URB1: variants seen among roughly 807,000 people sequenced by gnomAD.
URB1 encodes URB1 ribosome biogenesis factor, also known as nucleolar pre-ribosomal-associated protein 1.
In URB1, 197 loss-of-function variants were observed where a neutral mutation model predicts 242.3. That is an observed-to-expected ratio of 0.81 (90% CI 0.72 to 0.91). The LOEUF is 0.91. Among genes scored for constraint, URB1 ranks in the 40% least tolerant of loss-of-function variants. URB1 has a pLI of 0.00. For synonymous variants in URB1, 1,153 were observed against 1,201.8 expected (o/e 0.96, Z 0.84); for missense variants, 2,721 against 2,860.5 (o/e 0.95, Z 1.11).
In URB1 at chr21:32,363,197, T is replaced by A. The variant is rs749584216; in HGVS notation, c.1468A>T (p.Met490Leu). The A allele has an allele frequency of 3.2e-6, 5 of 1,551,944 alleles. No individual in the cohort carries two copies. The highest frequency in any genetic ancestry group is 2.7e-5 in the African/African-American group (2 of 73,034). ...QESGVYTAVM[M>L]EEFVQLFREA... The stretch of plus-strand genomic sequence containing the variant: ...CTGAAGAGCTGCACGAATTCTTCCA[T>A]CATCACAGCTGTGTACACGCCTGAT... The change falls in exon 11 of 39, where the codon ATG becomes TTG. Residue 490 changes from methionine (M) to leucine (L), a missense_variant. Transcript: ENST00000382751.
At position 32,352,614 on chromosome 21, in the gene URB1, TC is replaced by T; in HGVS notation, c.2613+95del. On this transcript the variant is annotated intron_variant, in intron 19 of 38. Coordinates refer to ENST00000382751, the MANE Select transcript of URB1 (RefSeq NM_014825.3). ...GTAAGAAATTTCACCCTGCAGGCTGTCTGGCTACCCAACTGCACAGCTGTGG... is the reference window on the plus strand; with the variant it reads ...GTAAGAAATTTCACCCTGCAGGCTGTTGGCTACCCAACTGCACAGCTGTGG... The T allele has an allele frequency of 4.9e-6, 7 of 1,441,116 alleles. No individual in the cohort carries two copies. In the South Asian group the frequency reaches 7.5e-5, roughly 15 times the overall value. 89.3% of individuals were successfully genotyped at this position (1,441,116 alleles called of 1,614,324 possible).
intron 22 of URB1, among the ~76,000 whole-genome samples, chr21:32,346,734 C>T (rs1209490159): frequency 6.6e-6 from 1 of 152,162 alleles, no homozygotes; most frequent in African/African-American, 2.4e-5. Flanking sequence ...TGATGGGGCA[C>T]AATGGGCTGT....
intron 15 of URB1, 46 bp from the exon 16 acceptor site, chr21:32,355,611 T>G: frequency 7.0e-7 from 1 of 1,428,652 alleles, no homozygotes; most frequent in Non-Finnish European, 9.7e-7. Flanking sequence ...CAGAACGCGC[T>G]TTCTTTCTTT....
intron 22 of URB1, 128 bp downstream of exon 22, chr21:32,346,828 G>T: frequency 7.6e-7 from 1 of 1,307,514 alleles, no homozygotes. Flanking sequence ...TCAGAGTTGT[G>T]TCAGACACTG....
At chr21:32,336,102 A>G (rs2032955783) in intron 28 of URB1, among the ~76,000 whole-genome samples, 1 of 152,206 alleles carries the variant, frequency 6.6e-6, no homozygotes, top group Admixed American at 6.5e-5. Flanking sequence ...TAACTGACAT[A>G]GCACCAGCTC....
Position 32,311,373 on chromosome 21 carries a change from A to C in URB1, c.*3545T>G. ...GATATAAAATGAACTACACTCAGAT[A>C]CAGCGCTGGATGGGAGGTCAACCTG... On this transcript the variant is annotated 3_prime_UTR_variant, in exon 39 of 39. Coordinates refer to ENST00000382751, the MANE Select transcript of URB1 (RefSeq NM_014825.3). The C allele has an allele frequency of 2.4e-6, 1 of 410,340 alleles. No individual in the cohort carries two copies. Among genetic ancestry groups the C allele is most frequent in the Non-Finnish European group, 4.4e-6 (1 of 226,652 alleles). 25.4% of individuals were successfully genotyped at this position (410,340 alleles called of 1,614,324 possible). A position where few individuals can be genotyped will look rare whatever the true frequency, so the allele number is the denominator to read the frequency against.
At position 32,367,885 on chromosome 21, in the gene URB1, CAA is replaced by C. The variant is rs76105668; in HGVS notation, c.1197+516_1197+517del. ...TCTTGATGAACAGGATAAATTGGCT[CAA>C]AAGATTCTAAATAAACCTCAAATTC... On this transcript the variant is annotated intron_variant, in intron 9 of 38. Coordinates refer to ENST00000382751, the MANE Select transcript of URB1 (RefSeq NM_014825.3). Among the ~76,000 whole-genome samples the C allele has an allele frequency of 3.2e-4, 49 of 152,270 alleles. No homozygotes were observed. In the East Asian group the frequency reaches 3.9e-3, roughly 12 times the overall value.
intron 13 of URB1, 81 bp from the exon 14 acceptor site, chr21:32,359,989 A>G: frequency 7.9e-7 from 1 of 1,269,798 alleles, no homozygotes; most frequent in African/African-American, 1.5e-5. Context: ...CAGAAGGACA[A>G]GGAACTCACC....
intron 8 of URB1, among the ~76,000 whole-genome samples, chr21:32,369,520 C>T (rs1319963215): frequency 1.3e-5 from 2 of 152,142 alleles, no homozygotes; most frequent in East Asian, 3.9e-4. Flanking sequence ...AATGCAGTGG[C>T]GTGACCATAG....
At chr21:32,354,232 T>C (rs1420041694) in intron 17 of URB1, 129 bp from the exon 18 acceptor site, 8 of 1,015,368 alleles carry the variant, frequency 7.9e-6, no homozygotes, top group Non-Finnish European at 4.2e-6. Flanking sequence ...GGGGGGAGCA[T>C]TTAACATAGT....
intron 3 of URB1, among the ~76,000 whole-genome samples, chr21:32,383,827 G>A (rs559865407): frequency 6.6e-6 from 1 of 152,194 alleles, no homozygotes; most frequent in Non-Finnish European, 1.5e-5. Flanking sequence ...GCCACTGTGT[G>A]ATCAATAGAC....
rs372137287 is a variant in URB1, at chr21:32,349,309, C to G, written c.3007G>C (p.Asp1003His). ...ESVASLELAN[D>H]QTLEEVLVAI... Reference sequence around the variant, plus strand: ...CAGGCAACCTGTGGCGGTACCTGATCATTGGCCAACTCCAGCGAGGCCACG... The same window carrying G: ...CAGGCAACCTGTGGCGGTACCTGATGATTGGCCAACTCCAGCGAGGCCACG... The change falls in exon 21 of 39, where the codon GAT becomes CAT. Residue 1003 changes from aspartate (D) to histidine (H), a missense_variant. By Grantham distance (81) the Asp-to-His change is moderately conservative. Transcript: ENST00000382751. 4 of 1,541,346 alleles carry G rather than the reference C, an allele frequency of 2.6e-6. No individual in the cohort carries two copies. Among genetic ancestry groups the G allele is most frequent in the Admixed American group, 2.0e-5 (1 of 49,620 alleles).
At chr21:32,320,791 T>C (rs569089332) in intron 34 of URB1, among the ~76,000 whole-genome samples, 151 bp from the exon 35 acceptor site, 2 of 152,322 alleles carry the variant, frequency 1.3e-5, no homozygotes, top group African/African-American at 2.4e-5. Flanking sequence ...GCGGTGGCCA[T>C]GTACGAACGT....
chr21:32,352,667 A>C (rs2033170980), intron 19 of URB1, 43 bp downstream of exon 19: 3 of 1,547,840 alleles, frequency 1.9e-6, no homozygotes, highest in African/African-American at 1.4e-5. Context: ...CCTGGGAAGA[A>C]CCCTGCACAG....
At chr21:32,354,789 C>G in intron 17 of URB1, 70 bp downstream of exon 17, 1 of 1,507,382 alleles carries the variant, frequency 6.6e-7, no homozygotes, top group Non-Finnish European at 8.9e-7. Context: ...TTCTTGTTCT[C>G]AATCTCTTAA....
intron 1 of URB1, among the ~76,000 whole-genome samples, chr21:32,388,111 A>G (rs1200777329): frequency 6.6e-6 from 1 of 152,218 alleles, no homozygotes; most frequent in Non-Finnish European, 1.5e-5. Context: ...TGAGCACGCC[A>G]TTACACCAAA....
At chr21:32,377,373 CAT>C in intron 5 of URB1, 1 of 497,570 alleles carries the variant, frequency 2.0e-6, no homozygotes, top group Non-Finnish European at 3.9e-6. Flanking sequence ...CCAGCAGAAA[CAT>C]TAAACTGTAG....
chr21:32,385,280 C>T lies in URB1; in HGVS notation c.282+265G>A, dbSNP rs75212748. On this transcript the variant is annotated intron_variant, in intron 2 of 38. Transcript: ENST00000382751. ...TCCCTTTTGTTTAAATAAACCATAC[C>T]GAAACCAAGTATATTTTGATTAGGA... 7.3e-3 allele frequency among the ~76,000 whole-genome samples: 1,107 copies of T among 152,236 alleles called. 36 individuals are homozygous for T. The East Asian group carries it at 0.083, about 11-fold the overall frequency.
Position 32,334,247 on chromosome 21 carries a change from C to T in URB1, c.4773G>A (p.Gly1591=). ...CCCGGTCCAGCAGGCGAAGGATGTC[C>T]CCGACACTCGGCTGCTGCCACAGTG... ...GRSLWQQPSV[G]DILRLLDRDR... is the part of the protein sequence containing the mutation. Residue 1591 remains glycine, a synonymous_variant, in exon 29 of 39, where the codon GGG becomes GGA. Transcript: ENST00000382751. 10 of 1,551,538 alleles carry T rather than the reference C, an allele frequency of 6.4e-6. No individual in the cohort carries two copies. Among genetic ancestry groups the T allele is most frequent in the Non-Finnish European group, 7.0e-6 (8 of 1,146,966 alleles).
Sources: allele counts gnomAD v4.1 joint callset (sites outside exome capture counted in the v4.1 genomes callset), GRCh38; gene constraint gnomAD v4.1.1; transcripts MANE v1.5; gene names NCBI Gene and HGNC (gene_info 2026-07-23, HGNC 2026-07-21).